The following PGM3 variants were observed in gnomAD, a reference collection of about 807,000 sequenced individuals.
PGM3 encodes the protein phosphoglucomutase 3, also known as phosphoacetylglucosamine mutase.
Under a neutral mutation model 66.2 loss-of-function variants are expected in PGM3, and 40 were observed. The ratio of observed to expected loss-of-function variants is 0.60; its 90% CI spans 0.47 to 0.79. The LOEUF is 0.79. PGM3 is among the 30% of genes least tolerant of loss of function. The pLI, the probability that PGM3 is intolerant of heterozygous loss-of-function variation, is 0.00. For synonymous variants in PGM3, 191 were observed against 224.2 expected (o/e 0.85, Z 1.32); for missense variants, 537 against 643.4 (o/e 0.83, Z 1.79).
In PGM3 at chr6:83,181,716, G is replaced by A. The variant is rs955457725; in HGVS notation, c.787+20C>T. The A allele has an allele frequency of 5.8e-6, 9 of 1,539,128 alleles. No individual in the cohort carries two copies. In the East Asian group the frequency reaches 6.9e-5, roughly 12 times the overall value. On this transcript the variant is annotated intron_variant, in intron 6 of 12. Transcript: ENST00000513973. Reference sequence around the variant, plus strand: ...CAAAGAGCATTAAAAACAAATTTTTGCAGTGCTAGTACGACATACCCTGTG... The same window carrying A: ...CAAAGAGCATTAAAAACAAATTTTTACAGTGCTAGTACGACATACCCTGTG...
downstream of PGM3, chr6:83,164,590 C>T (rs751520757): frequency 4.2e-6 from 6 of 1,426,012 alleles, no homozygotes; most frequent in Non-Finnish European, 5.8e-6. Flanking sequence ...TCACCTTAAA[C>T]AAGGTCTTCA....
downstream of PGM3, chr6:83,160,047 T>C (rs1783863027): frequency 3.1e-6 from 4 of 1,297,658 alleles, no homozygotes; most frequent in Non-Finnish European, 4.3e-6. Flanking sequence ...AAAAAGTTTT[T>C]TGTGTAAGTT....
At chr6:83,183,732 T>A (rs1788365139) in intron 4 of PGM3, among the ~76,000 whole-genome samples, 1 of 147,454 alleles carries the variant, frequency 6.8e-6, no homozygotes, top group Non-Finnish European at 1.5e-5. Flanking sequence ...TTGTCATGAA[T>A]TTTTTTTTTT....
Position 83,191,248 on chromosome 6 carries a change from T to C in PGM3, c.-2-234A>G. On this transcript the variant is annotated intron_variant, in intron 1 of 12. Coordinates refer to ENST00000513973, the MANE Select transcript of PGM3 (RefSeq NM_015599.3). ...GGGCAGACTCAGGGCAGATAGCAGA[T>C]TGTCCCCACTCTCCTCCCATTTTAG... The C allele has an allele frequency of 1.3e-6, 2 of 1,535,266 alleles. No homozygotes were observed. The highest frequency in any genetic ancestry group is 1.7e-6 in the Non-Finnish European group (2 of 1,146,598).
the PGM3 span, chr6:83,148,936 A>G: frequency 1.1e-6 from 1 of 903,036 alleles, no homozygotes; most frequent in Non-Finnish European, 1.6e-6. Flanking sequence ...AGTATTAGTA[A>G]TAGATATTTT....
At chr6:83,153,601 C>T in the PGM3 span, 1 of 1,599,736 alleles carries the variant, frequency 6.3e-7, no homozygotes, top group Non-Finnish European at 8.5e-7. Context: ...TTATGTTGTG[C>T]CCTACCTCAG....
In PGM3 at chr6:83,166,323, A is replaced by C. The variant is rs941424024; in HGVS notation, c.*2911T>G. 1 of 659,916 alleles carries C rather than the reference A, an allele frequency of 1.5e-6. No individual in the cohort carries two copies. Among genetic ancestry groups the C allele is most frequent in the Non-Finnish European group, 2.7e-6 (1 of 365,126 alleles). The allele number at this position is 659,916 out of a possible 1,614,324, so 40.9% of individuals were successfully genotyped here. A position where few individuals can be genotyped will look rare whatever the true frequency, so the allele number is the denominator to read the frequency against. On this transcript the variant is annotated 3_prime_UTR_variant, in exon 13 of 13. Transcript: ENST00000513973. ...CTCAATTGGTCATTATCAATTTCCGATGACTGGCCACTGCACTCCTCATCT... is the reference window on the plus strand; with the variant it reads ...CTCAATTGGTCATTATCAATTTCCGCTGACTGGCCACTGCACTCCTCATCT...
At chr6:83,179,741 G>A in intron 7 of PGM3, 69 bp downstream of exon 7, 3 of 1,233,120 alleles carry the variant, frequency 2.4e-6, no homozygotes, top group South Asian at 1.6e-5. Context: ...TCTGACAAAT[G>A]ATTGTAAAAT....
chr6:83,149,020 A>G, the PGM3 span, among the ~76,000 whole-genome samples: 3 of 148,004 alleles, frequency 2.0e-5, no homozygotes, highest in Middle Eastern at 3.2e-3. Context: ...CCTGTTTAAG[A>G]AAAAAAAAAG....
Position 83,167,582 on chromosome 6 carries a change from T to G in PGM3, c.*1652A>C. ...AAAGCACAACATAAAACTTTTATGT[T>G]TGACTCTATTCCTGTTCAAAGCTAT... On this transcript the variant is annotated 3_prime_UTR_variant, in exon 13 of 13. Transcript: ENST00000513973. 1 of 1,114,544 alleles carries G rather than the reference T, an allele frequency of 9.0e-7. No individual in the cohort carries two copies. Among genetic ancestry groups the G allele is most frequent in the Non-Finnish European group, 1.1e-6 (1 of 914,496 alleles). The allele number at this position is 1,114,544 out of a possible 1,614,324, so 69.0% of individuals were successfully genotyped here. A position where few individuals can be genotyped will look rare whatever the true frequency, so the allele number is the denominator to read the frequency against.
chr6:83,159,753 G>T, downstream of PGM3: 2 of 1,610,930 alleles, frequency 1.2e-6, no homozygotes, highest in Non-Finnish European at 1.7e-6. Context: ...ATTCCTGTGA[G>T]TAAATGGGTC....
At chr6:83,170,726 G>C (rs1283227153) in intron 11 of PGM3, 1 of 379,220 alleles carries the variant, frequency 2.6e-6, no homozygotes, top group Non-Finnish European at 4.7e-6. Context: ...ATAATGGCCA[G>C]TAAATACGAT....
At chr6:83,173,874 CT>C (rs1168396961) in intron 10 of PGM3, among the ~76,000 whole-genome samples, 6 of 152,092 alleles carry the variant, frequency 3.9e-5, no homozygotes, top group Non-Finnish European at 8.8e-5. Flanking sequence ...GTAGCTGGGA[CT>C]ACAGGTGCCC....
intron 12 of PGM3, chr6:83,169,743 A>G (rs1284164062): frequency 2.2e-6 from 1 of 458,316 alleles, no homozygotes; most frequent in South Asian, 1.5e-5. Flanking sequence ...CTGATTCCCT[A>G]TTCAGCGCAC....
At chr6:83,175,775 A>G (rs1326271506) in intron 9 of PGM3, among the ~76,000 whole-genome samples, 187 bp downstream of exon 9, 1 of 152,240 alleles carries the variant, frequency 6.6e-6, no homozygotes, top group Non-Finnish European at 1.5e-5. Flanking sequence ...TCAAAGAAGA[A>G]TCATTACCAT....
the PGM3 span, among the ~76,000 whole-genome samples, chr6:83,152,620 C>CTTTTTTTTTTTTTTTTTTTTTTTTT: frequency 7.5e-6 from 1 of 133,890 alleles, no homozygotes; most frequent in African/African-American, 2.7e-5. Context: ...TTTTCTTTTT[C>CTTTTTTTTTTTTTTTTTTTTTTTTT]TTTTTTTTTT....
chr6:83,152,231 C>T, the PGM3 span: 16 of 936,560 alleles, frequency 1.7e-5, 1 homozygote, highest in African/African-American at 1.3e-4. Flanking sequence ...CACACACACA[C>T]ATAAAATTTA....
intron 10 of PGM3, among the ~76,000 whole-genome samples, chr6:83,173,289 G>A (rs1267727738): frequency 6.7e-6 from 1 of 148,910 alleles, no homozygotes; most frequent in Admixed American, 6.7e-5. Context: ...GACAATGAAA[G>A]GTATAACAAA....
At chr6:83,181,141 C>T (rs1349528586) in intron 6 of PGM3, among the ~76,000 whole-genome samples, 1 of 152,196 alleles carries the variant, frequency 6.6e-6, no homozygotes, top group East Asian at 1.9e-4. Flanking sequence ...CTTACTACAA[C>T]TAAAATCTGA....
Sources: allele counts gnomAD v4.1 joint callset (sites outside exome capture counted in the v4.1 genomes callset), GRCh38; gene constraint gnomAD v4.1.1; transcripts MANE v1.5; gene names NCBI Gene and HGNC (gene_info 2026-07-23, HGNC 2026-07-21).